Variants in FGGY observed in about 807,000 individuals in gnomAD.
FGGY encodes FGGY carbohydrate kinase domain-containing protein.
Under a neutral mutation model 71.3 loss-of-function variants are expected in FGGY, and 72 were observed. The ratio of observed to expected loss-of-function variants is 1.01; its 90% CI spans 0.84 to 1.23. The LOEUF is 1.23. FGGY is among the 50% of genes most tolerant of loss of function. The pLI is 0.00. For synonymous variants in FGGY, 251 were observed against 250.3 expected (o/e 1.00, Z -0.02); for missense variants, 668 against 682.3 (o/e 0.98, Z 0.23).
At chr1:59,624,614 G>T (rs1220847418) in intron 9 of FGGY, among the ~76,000 whole-genome samples, 1 of 152,112 alleles carries the variant, frequency 6.6e-6, no homozygotes, top group Non-Finnish European at 1.5e-5. Context: ...GTTCCACATG[G>T]CTGGGGAGGC....
At chr1:59,517,466 C>T (rs906184132) in intron 7 of FGGY, among the ~76,000 whole-genome samples, 5 of 151,798 alleles carry the variant, frequency 3.3e-5, no homozygotes, top group East Asian at 1.9e-4. Flanking sequence ...GGGGTTTCAC[C>T]GTTTTAGCCG....
At chr1:59,323,597 A>G (rs1033968680) in intron 2 of FGGY, among the ~76,000 whole-genome samples, 4 of 152,226 alleles carry the variant, frequency 2.6e-5, no homozygotes, top group Non-Finnish European at 5.9e-5. Context: ...GTGACCTGTT[A>G]TAGAGCACAG....
chr1:59,349,046 A>G (rs1366777361), intron 4 of FGGY, among the ~76,000 whole-genome samples: 1 of 152,134 alleles, frequency 6.6e-6, no homozygotes, highest in African/African-American at 2.4e-5. Context: ...GCTGCCCGGT[A>G]CCCTGCTTTG....
chr1:59,548,702 T>C (rs1256370726), intron 7 of FGGY, among the ~76,000 whole-genome samples: 1 of 152,192 alleles, frequency 6.6e-6, no homozygotes, highest in Non-Finnish European at 1.5e-5. Context: ...TAGGATAGAA[T>C]AAAAAATTCA....
chr1:59,554,735 A>G (rs2095658903), intron 8 of FGGY, among the ~76,000 whole-genome samples: 1 of 152,190 alleles, frequency 6.6e-6, no homozygotes, highest in Non-Finnish European at 1.5e-5. Context: ...TTTCTCCATG[A>G]ATTAGTGAAA....
chr1:59,324,346 G>C (rs966854890), intron 2 of FGGY, among the ~76,000 whole-genome samples: 2 of 134,082 alleles, frequency 1.5e-5, no homozygotes, highest in East Asian at 4.3e-4. Flanking sequence ...GCGGGATCTC[G>C]GCTCACTGCA....
intron 5 of FGGY, among the ~76,000 whole-genome samples, chr1:59,419,506 A>G (rs2065047305): frequency 6.6e-6 from 1 of 152,112 alleles, no homozygotes; most frequent in South Asian, 2.1e-4. Flanking sequence ...CAGGGGAATC[A>G]CCCTGGAAAC....
At chr1:59,698,849 A>T (rs1421601813) in intron 14 of FGGY, 1 of 985,320 alleles carries the variant, frequency 1.0e-6, no homozygotes, top group Admixed American at 6.2e-5. Flanking sequence ...AAGAGAACAG[A>T]GAACCTTAAA....
At chr1:59,554,294 G>A in intron 8 of FGGY, 67 bp downstream of exon 8, 2 of 1,250,248 alleles carry the variant, frequency 1.6e-6, no homozygotes, top group African/African-American at 1.5e-5. Context: ...GAGACCCTGA[G>A]TGCTGGCTTC....
intron 8 of FGGY, among the ~76,000 whole-genome samples, chr1:59,576,557 T>TA (rs1451772435): frequency 6.6e-6 from 1 of 152,056 alleles, no homozygotes; most frequent in African/African-American, 2.4e-5. Flanking sequence ...TCCCAGAACT[T>TA]AAAGTAAAAT....
chr1:59,358,881 T>A (rs1442191344), intron 4 of FGGY, among the ~76,000 whole-genome samples: 1 of 152,344 alleles, frequency 6.6e-6, no homozygotes, highest in East Asian at 1.9e-4. Flanking sequence ...TCCTGTGAGG[T>A]AGATGTTATC....
intron 15 of FGGY, among the ~76,000 whole-genome samples, chr1:59,762,176 GCC>G (rs34511494): frequency 0.16 from 23,681 of 151,232 alleles, 1,970 homozygotes; most frequent in East Asian, 0.21. Flanking sequence ...TGCAACCTCC[GCC>G]CCCCGGGTTC....
chr1:59,342,170 A>G (rs1022270886), intron 3 of FGGY, among the ~76,000 whole-genome samples: 1 of 152,116 alleles, frequency 6.6e-6, no homozygotes, highest in African/African-American at 2.4e-5. Context: ...ATCTTTTTAA[A>G]AATTGCCAAT....
chr1:59,401,793 ATGTGAAAAGTC>A (rs1217153742), intron 5 of FGGY, among the ~76,000 whole-genome samples: 1 of 152,234 alleles, frequency 6.6e-6, no homozygotes, highest in Non-Finnish European at 1.5e-5. Flanking sequence ...TCATGACTCA[ATGTGAAAAGTC>A]TTGTGACTAA....
At chr1:59,503,431 C>G (rs1318767550) in intron 6 of FGGY, among the ~76,000 whole-genome samples, 1 of 151,630 alleles carries the variant, frequency 6.6e-6, no homozygotes, top group Non-Finnish European at 1.5e-5. Flanking sequence ...ACTTCTTGAA[C>G]CAGACTTGAC....
At chr1:59,425,588 T>A (rs34157224) in intron 5 of FGGY, among the ~76,000 whole-genome samples, 95,051 of 151,996 alleles carry the variant, frequency 0.63, 29,848 homozygotes, top group Middle Eastern at 0.67. Context: ...TTCTGCAGGC[T>A]CTGCCTCATG....
chr1:59,711,372 T>A (rs2097792947), intron 14 of FGGY, among the ~76,000 whole-genome samples: 1 of 152,122 alleles, frequency 6.6e-6, no homozygotes, highest in South Asian at 2.1e-4. Context: ...CAAACCACCA[T>A]GACACATATA....
intron 6 of FGGY, among the ~76,000 whole-genome samples, chr1:59,459,777 G>C (rs1474012566): frequency 2.6e-5 from 4 of 152,320 alleles, no homozygotes; most frequent in African/African-American, 9.6e-5. Flanking sequence ...TGCCATTTCA[G>C]CATGCCGCGG....
At chr1:59,637,551 G>A (rs1383839571) in intron 10 of FGGY, among the ~76,000 whole-genome samples, 2 of 152,002 alleles carry the variant, frequency 1.3e-5, no homozygotes, top group South Asian at 2.1e-4. Flanking sequence ...GTAGTGAGCC[G>A]AGATTGCACC....
Sources: gnomAD v4.1 joint callset for allele counts (sites outside exome capture counted in the v4.1 genomes callset) on GRCh38, gnomAD v4.1.1 for gene constraint, MANE v1.5 for transcripts, NCBI Gene and HGNC (gene_info 2026-07-23, HGNC 2026-07-21) for gene names.